The following RNGTT variants were observed in gnomAD, a reference collection of about 807,000 sequenced individuals.
The protein encoded by RNGTT is mRNA-capping enzyme.
Under a neutral mutation model 79.3 loss-of-function variants are expected in RNGTT, and 33 were observed. That is an observed-to-expected ratio of 0.42 (90% CI 0.32 to 0.56). The LOEUF (loss-of-function observed/expected upper bound fraction) is 0.56. Ranked by LOEUF, RNGTT falls within the 20% of genes least tolerant of loss-of-function variation. The pLI is 0.17. For missense variants in RNGTT, 497 were observed against 739.1 expected (o/e 0.67, Z 3.80); for synonymous variants, 222 against 235.9 (o/e 0.94, Z 0.54).
At position 88,681,194 on chromosome 6, in the gene RNGTT, A is replaced by G. The variant is rs548188167; in HGVS notation, c.1440-2775T>C. Among the ~76,000 whole-genome samples, 203 of 152,306 alleles carry G rather than the reference A, an allele frequency of 1.3e-3. 1 individual carries two copies. The highest frequency in any genetic ancestry group is 2.0e-3 in the Non-Finnish European group (135 of 68,020). On this transcript the variant is annotated intron_variant, in intron 13 of 15. Transcript: ENST00000369485. ...GATGCTAGAAAAGGAAAAGAATAAA[A>G]GCTGCCTGATATTTAAAAATCAATA...
rs188810432 is a variant in RNGTT, at chr6:88,681,157, T to C, written c.1440-2738A>G. ...CCTTTAGCAGCAGGAACAGTCACTGTTCATACAAATAGATGCTAGAAAAGG... is the reference window on the plus strand; with the variant it reads ...CCTTTAGCAGCAGGAACAGTCACTGCTCATACAAATAGATGCTAGAAAAGG... On this transcript the variant is annotated intron_variant, in intron 13 of 15. Coordinates refer to ENST00000369485, the MANE Select transcript of RNGTT (RefSeq NM_003800.5). Among the ~76,000 whole-genome samples the C allele has an allele frequency of 1.8e-3, 271 of 152,332 alleles. 1 individual carries two copies. The highest frequency in any genetic ancestry group is 2.9e-3 in the Non-Finnish European group (199 of 68,026).
chr6:88,939,031 T>C (rs192485472), intron 2 of RNGTT, among the ~76,000 whole-genome samples: 161 of 152,364 alleles, frequency 1.1e-3, no homozygotes, highest in South Asian at 1.9e-3. Context: ...ACACTCTTAA[T>C]GTTTTTTGAA....
intron 14 of RNGTT, among the ~76,000 whole-genome samples, chr6:88,655,089 T>C (rs1195251065): frequency 6.6e-6 from 1 of 152,200 alleles, no homozygotes; most frequent in East Asian, 1.9e-4. Context: ...AAATAAGTAT[T>C]GATCTAATAA....
intron 13 of RNGTT, among the ~76,000 whole-genome samples, chr6:88,689,019 G>GT (rs1185199609): frequency 2.0e-5 from 3 of 152,116 alleles, no homozygotes; most frequent in African/African-American, 7.2e-5. Context: ...TATGTTATTG[G>GT]TAAGGCTTCC....
chr6:88,943,746 A>G (rs1784922424), intron 1 of RNGTT, among the ~76,000 whole-genome samples: 1 of 152,160 alleles, frequency 6.6e-6, no homozygotes, highest in South Asian at 2.1e-4. Context: ...TATTTCCATC[A>G]GCTCTTTCAG....
intron 1 of RNGTT, among the ~76,000 whole-genome samples, chr6:88,961,138 G>A (rs534137584): frequency 1.3e-5 from 2 of 152,238 alleles, no homozygotes; most frequent in South Asian, 2.1e-4. Context: ...AGACTTGACC[G>A]GCTTAGCCTC....
intron 12 of RNGTT, among the ~76,000 whole-genome samples, chr6:88,788,500 T>C (rs1253177944): frequency 1.3e-5 from 2 of 152,212 alleles, no homozygotes; most frequent in Non-Finnish European, 2.9e-5. Context: ...TTAAAGGAGA[T>C]GACTGGCGAC....
chr6:88,674,069 G>A (rs1307893620), intron 14 of RNGTT, among the ~76,000 whole-genome samples: 1 of 152,070 alleles, frequency 6.6e-6, no homozygotes, highest in Non-Finnish European at 1.5e-5. Flanking sequence ...TATTAAAAAT[G>A]GAAGACAAAA....
intron 13 of RNGTT, among the ~76,000 whole-genome samples, chr6:88,698,260 A>AAATATATATATCATATATATTTCAT (rs1562202296): frequency 1.0e-5 from 1 of 95,428 alleles, no homozygotes; most frequent in African/African-American, 9.2e-5. Flanking sequence ...TATATATATA[A>AAATATATATATCATATATATTTCAT]ATATATATGA....
intron 1 of RNGTT, among the ~76,000 whole-genome samples, chr6:88,959,833 T>G (rs1231765842): frequency 6.6e-6 from 1 of 152,224 alleles, no homozygotes; most frequent in Non-Finnish European, 1.5e-5. Context: ...TACTTGCCTG[T>G]ATGATCAGGC....
chr6:88,621,944 T>A (rs1301605100), intron 14 of RNGTT, among the ~76,000 whole-genome samples: 2 of 152,156 alleles, frequency 1.3e-5, no homozygotes, highest in African/African-American at 4.8e-5. Flanking sequence ...CAGTTATTTT[T>A]CTGTTGTTGT....
intron 14 of RNGTT, among the ~76,000 whole-genome samples, chr6:88,624,052 C>T (rs1230809274): frequency 6.6e-6 from 1 of 151,892 alleles, no homozygotes; most frequent in Non-Finnish European, 1.5e-5. Context: ...GCAGGATCTG[C>T]ATGTTGACAA....
intron 13 of RNGTT, among the ~76,000 whole-genome samples, chr6:88,724,951 T>C (rs548247066): frequency 4.6e-5 from 7 of 152,148 alleles, no homozygotes; most frequent in Non-Finnish European, 1.0e-4. Context: ...AGGGGCCACA[T>C]GGTCACGGAT....
At chr6:88,737,584 T>C (rs1777329840) in intron 13 of RNGTT, among the ~76,000 whole-genome samples, 1 of 151,990 alleles carries the variant, frequency 6.6e-6, no homozygotes, top group African/African-American at 2.4e-5. Context: ...TAAGAGTAAA[T>C]GAGGTCACAA....
chr6:88,708,291 G>A (rs1776207012), intron 13 of RNGTT, among the ~76,000 whole-genome samples: 1 of 151,980 alleles, frequency 6.6e-6, no homozygotes, highest in South Asian at 2.1e-4. Context: ...TGCATCACTA[G>A]GTCCAGGAGG....
intron 1 of RNGTT, among the ~76,000 whole-genome samples, chr6:88,962,750 T>C (rs1446090557): frequency 6.6e-6 from 1 of 151,332 alleles, no homozygotes; most frequent in African/African-American, 2.4e-5. Context: ...ATATACATTA[T>C]AAATATATAT....
At chr6:88,629,739 T>C (rs1052949498) in intron 14 of RNGTT, among the ~76,000 whole-genome samples, 2 of 152,186 alleles carry the variant, frequency 1.3e-5, no homozygotes, top group African/African-American at 4.8e-5. Context: ...TCTGGAAAGT[T>C]GTTTTCTGGG....
chr6:88,695,944 A>C lies in RNGTT; in HGVS notation c.1440-17525T>G, dbSNP rs181065225. Among the ~76,000 whole-genome samples the C allele has an allele frequency of 3.9e-3, 592 of 152,322 alleles. 4 individuals carry two copies. The highest frequency in any genetic ancestry group is 0.014 in the Admixed American group (209 of 15,290). On this transcript the variant is annotated intron_variant, in intron 13 of 15. Transcript: ENST00000369485. ...ATGTTCTCACTTACATGTGAAATTG[A>C]AAAGAATCTAACTTATAGACGAGAG... is the stretch of plus-strand genomic sequence containing the variant.
chr6:88,943,544 C>T (rs116769844), intron 1 of RNGTT, among the ~76,000 whole-genome samples: 260 of 150,642 alleles, frequency 1.7e-3, no homozygotes, highest in African/African-American at 6.1e-3. Context: ...TCTAGGCGCA[C>T]GGATTACATT....
Sources: allele counts gnomAD v4.1 joint callset (sites outside exome capture counted in the v4.1 genomes callset), GRCh38; gene constraint gnomAD v4.1.1; transcripts MANE v1.5; gene names NCBI Gene and HGNC (gene_info 2026-07-23, HGNC 2026-07-21).